The following MAP4K1 variants were observed in gnomAD, a reference collection of about 807,000 sequenced individuals.
MAP4K1 encodes the protein mitogen-activated protein kinase kinase kinase kinase 1.
MAP4K1 carries 35 observed loss-of-function variants against 122.8 expected under a neutral mutation model. The observed-to-expected ratio is 0.29, with a 90% CI of 0.22 to 0.38. The LOEUF (loss-of-function observed/expected upper bound fraction) is 0.38, where lower values mean the gene tolerates loss of function less well. MAP4K1 is among the 10% of genes least tolerant of loss of function. The pLI is 1.00. For synonymous variants in MAP4K1, 412 were observed against 421.3 expected, an observed-to-expected ratio of 0.98 and a Z score of 0.27; for missense variants, 791 against 1,072.6, an observed-to-expected ratio of 0.74 and a Z score of 3.67.
At chr19:38,603,189 C>T (rs919869267) in intron 19 of MAP4K1, among the ~76,000 whole-genome samples, 1 of 147,684 alleles carries the variant, frequency 6.8e-6, no homozygotes, top group African/African-American at 2.5e-5. Context: ...CATATATACG[C>T]ATATACATAT....
chr19:38,615,751 A>G (rs1975628985), intron 4 of MAP4K1, among the ~76,000 whole-genome samples: 1 of 152,100 alleles, frequency 6.6e-6, no homozygotes, highest in Admixed American at 6.6e-5. Context: ...TCCGCCTCCC[A>G]GAATCAAACG....
At chr19:38,601,056 T>C (rs1452191900) in intron 20 of MAP4K1, among the ~76,000 whole-genome samples, 1 of 152,114 alleles carries the variant, frequency 6.6e-6, no homozygotes, top group African/African-American at 2.4e-5. Context: ...TCCGCCCGCC[T>C]CCGCCTCCCA....
chr19:38,603,269 T>TATATACACATAC (rs1388249536), intron 19 of MAP4K1, among the ~76,000 whole-genome samples: 2 of 147,658 alleles, frequency 1.4e-5, no homozygotes, highest in East Asian at 3.9e-4. Flanking sequence ...CGCATATACA[T>TATATACACATAC]ATATACACAT....
chr19:38,601,303 C>T, intron 20 of MAP4K1, 138 bp downstream of exon 20: 1 of 700,424 alleles, frequency 1.4e-6, no homozygotes. Flanking sequence ...AGCTCCGCCC[C>T]TGTTTCAGCC....
Position 38,611,044 on chromosome 19 carries a change from G to T in MAP4K1, c.810+7C>A, listed in dbSNP as rs779806303. The stretch of plus-strand genomic sequence containing the variant: ...TAGGCTGAGGATCTTGGGGAAGGGA[G>T]GGTTACACTGAGCATCTTGGTGGCG... On this transcript the variant is annotated splice_region_variant and intron_variant, in intron 11 of 30. Transcript: ENST00000396857. 4 of 1,608,648 alleles carry T rather than the reference G, an allele frequency of 2.5e-6. No individual in the cohort carries two copies. Among genetic ancestry groups the T allele is most frequent in the Non-Finnish European group, 3.4e-6 (4 of 1,176,568 alleles).
intron 30 of MAP4K1, among the ~76,000 whole-genome samples, chr19:38,592,912 C>T (rs988245054): frequency 2.0e-5 from 3 of 147,774 alleles, no homozygotes; most frequent in Non-Finnish European, 4.4e-5. Flanking sequence ...AGCAAAACTC[C>T]ATCTCAATAA....
At chr19:38,608,259 G>T in intron 13 of MAP4K1, 89 bp from the exon 14 acceptor site, 1 of 579,720 alleles carries the variant, frequency 1.7e-6, no homozygotes, top group Admixed American at 3.2e-5. Context: ...AGAATTGGCG[G>T]GGGGGTTGCA....
chr19:38,616,029 C>T (rs889795835), intron 4 of MAP4K1, 166 bp downstream of exon 4: 19 of 455,214 alleles, frequency 4.2e-5, no homozygotes, highest in Non-Finnish European at 6.1e-5. Flanking sequence ...TTCAGCACTT[C>T]GACAGCTGAA....
chr19:38,610,857 GGGGTATTT>G (rs1483399888), intron 11 of MAP4K1, among the ~76,000 whole-genome samples, 186 bp downstream of exon 11: 5 of 152,052 alleles, frequency 3.3e-5, no homozygotes, highest in African/African-American at 4.8e-5. Flanking sequence ...CCGGCAACTC[GGGGTATTT>G]GGGAAAGGTC....
intron 29 of MAP4K1, 72 bp downstream of exon 29, chr19:38,595,413 C>G: frequency 6.6e-7 from 1 of 1,514,972 alleles, no homozygotes; most frequent in Non-Finnish European, 9.2e-7. Context: ...CAGGAGTTCT[C>G]GGAGCCCATC....
intron 10 of MAP4K1, 36 bp from the exon 11 acceptor site, chr19:38,611,168 C>T: frequency 1.9e-6 from 3 of 1,601,778 alleles, no homozygotes; most frequent in Non-Finnish European, 2.6e-6. Context: ...GATGAGGGGA[C>T]CAGAAACCCT....
At chr19:38,604,128 CAAAAAAAA>C (rs200072842) in intron 19 of MAP4K1, among the ~76,000 whole-genome samples, 4 of 53,522 alleles carry the variant, frequency 7.5e-5, no homozygotes, top group Non-Finnish European at 1.4e-4. Context: ...GATACTATCT[CAAAAAAAA>C]AAAAAAAAAA....
In MAP4K1 at chr19:38,617,481, G is replaced by T. The variant is rs749416818; in HGVS notation, c.158-37C>A. 1.9e-6 allele frequency: 3 copies of T among 1,589,426 alleles called. No homozygotes were observed. Among genetic ancestry groups the T allele is most frequent in the Non-Finnish European group, 2.6e-6 (3 of 1,157,522 alleles). On this transcript the variant is annotated intron_variant, in intron 2 of 30. Transcript: ENST00000396857. This position sits in a 1 kb window ranked among gnomAD's most constrained non-coding sequence, Gnocchi z 4.1. ...GCGGGAGAGAAAAGGCAGCTCGCAT[G>T]GGGAGAGAGCTACAGGGGAGGTGAT...
rs780553080 is a variant in MAP4K1 at position 38,596,392 on chromosome 19, G to C, written c.2036C>G (p.Pro679Arg). ...ELPAVCIGVS[P>R]GRPGKSVLFH... ...GAGCACCGACTTCCCCGGCCGCCCGGGGCTCACGCCGATGCACACAGCGGG... is the reference window on the plus strand; with the variant it reads ...GAGCACCGACTTCCCCGGCCGCCCGCGGCTCACGCCGATGCACACAGCGGG... Residue 679 changes from proline to arginine, a missense_variant, in exon 26 of 31, where the codon CCC becomes CGC. Physicochemically the swap from Pro to Arg is moderately radical, Grantham distance 103 (BLOSUM62 -2). Transcript: ENST00000396857. The C allele has an allele frequency of 9.4e-6, 15 of 1,597,354 alleles. No individual in the cohort carries two copies. Among genetic ancestry groups the C allele is most frequent in the Middle Eastern group, 1.6e-4 (1 of 6,066 alleles).
chr19:38,604,200 G>A (rs1599708215), intron 19 of MAP4K1, among the ~76,000 whole-genome samples: 2 of 144,942 alleles, frequency 1.4e-5, no homozygotes, highest in African/African-American at 5.0e-5. Flanking sequence ...TGGCAAATTT[G>A]ATGCCACAAA....
intron 22 of MAP4K1, among the ~76,000 whole-genome samples, chr19:38,598,051 T>C (rs1568625909): frequency 6.6e-6 from 1 of 152,074 alleles, no homozygotes; most frequent in Non-Finnish European, 1.5e-5. Flanking sequence ...ATTATTATTT[T>C]AGACAGTCTC....
At chr19:38,595,871 T>C in intron 27 of MAP4K1, 68 bp downstream of exon 27, 3 of 1,575,638 alleles carry the variant, frequency 1.9e-6, no homozygotes, top group Non-Finnish European at 2.6e-6. Context: ...AAGCACAAGT[T>C]CGGAGGCAGA....
chr19:38,602,566 A>G (rs1418395440), intron 19 of MAP4K1, among the ~76,000 whole-genome samples: 14 of 148,302 alleles, frequency 9.4e-5, no homozygotes, highest in African/African-American at 2.5e-5. Flanking sequence ...ACACATATAC[A>G]TATATACATA....
intron 19 of MAP4K1, among the ~76,000 whole-genome samples, chr19:38,603,761 A>G (rs1311975272): frequency 6.6e-6 from 1 of 152,174 alleles, no homozygotes; most frequent in Non-Finnish European, 1.5e-5. Context: ...AGGCTGGCAG[A>G]TAACTTGAGG....
Sources: allele counts gnomAD v4.1 joint callset (sites outside exome capture counted in the v4.1 genomes callset), GRCh38; gene constraint gnomAD v4.1.1; non-coding constraint Gnocchi (gnomAD v3.1); transcripts MANE v1.5; gene names NCBI Gene and HGNC (gene_info 2026-07-23, HGNC 2026-07-21).